SEMA4F: variants seen among roughly 807,000 people sequenced by gnomAD.
SEMA4F encodes semaphorin-4F.
Under a neutral mutation model 78.4 loss-of-function variants are expected in SEMA4F, and 51 were observed. The ratio of observed to expected loss-of-function variants is 0.65; its 90% CI spans 0.52 to 0.82. The LOEUF (loss-of-function observed/expected upper bound fraction) is 0.82, where lower values mean the gene tolerates loss of function less well. SEMA4F is among the 40% of genes least tolerant of loss of function. The probability of loss-of-function intolerance (pLI) is 0.00; values close to 1 mark genes in which losing one functional copy is unlikely to be tolerated. For synonymous variants in SEMA4F, 418 were observed against 408.7 expected, an observed-to-expected ratio of 1.02 and a Z score of -0.27; for missense variants, 938 against 1,014.4, an observed-to-expected ratio of 0.92 and a Z score of 1.02.
rs1683987627 is a variant in SEMA4F at position 74,654,259 on chromosome 2, A to G, written c.-118A>G. The G allele has an allele frequency of 1.7e-6, 2 of 1,212,094 alleles. No individual in the cohort carries two copies. Among genetic ancestry groups the G allele is most frequent in the South Asian group, 4.0e-5 (2 of 49,410 alleles). The allele number at this position is 1,212,094 out of a possible 1,614,324, so 75.1% of individuals were successfully genotyped here. On this transcript the variant is annotated 5_prime_UTR_variant, in exon 1 of 14. Transcript: ENST00000357877. ...GGAGCCGGGCGGTGTTTCATCCCTCAGCCTCAGGCTGAGCCGGACCGAGCC... is the reference window on the plus strand; with the variant it reads ...GGAGCCGGGCGGTGTTTCATCCCTCGGCCTCAGGCTGAGCCGGACCGAGCC...
chr2:74,672,731 C>T (rs965819894), intron 5 of SEMA4F, among the ~76,000 whole-genome samples: 2 of 152,042 alleles, frequency 1.3e-5, no homozygotes, highest in Non-Finnish European at 2.9e-5. Context: ...CCCTGGAGCA[C>T]CTCTGCCCCT....
chr2:74,699,714 T>A, the SEMA4F span, among the ~76,000 whole-genome samples: 3 of 151,876 alleles, frequency 2.0e-5, no homozygotes, highest in Non-Finnish European at 4.4e-5. Context: ...GAAGGAGCGG[T>A]TGGAGAGGCA....
intron 6 of SEMA4F, 44 bp from the exon 7 acceptor site, chr2:74,673,633 C>G: frequency 6.2e-7 from 1 of 1,612,978 alleles, no homozygotes; most frequent in Non-Finnish European, 8.5e-7. Flanking sequence ...TCTGGGAAGT[C>G]CTAGGTTGTG....
chr2:74,695,036 A>G, the SEMA4F span, among the ~76,000 whole-genome samples: 1 of 152,222 alleles, frequency 6.6e-6, no homozygotes, highest in African/African-American at 2.4e-5. Context: ...TCCTTTTAGT[A>G]GATACTGAGG....
chr2:74,675,734 A>C lies in SEMA4F; in HGVS notation c.1483-15A>C. The stretch of plus-strand genomic sequence containing the variant: ...GAGATCCAGTGTATTCCCCTTCCCC[A>C]CTCCGTTTTTATAGAGCTGGCTCCT... On this transcript the variant is annotated splice_polypyrimidine_tract_variant and intron_variant, in intron 11 of 13. Transcript: ENST00000357877. 6.2e-7 allele frequency: 1 copy of C among 1,613,246 alleles called. No homozygotes were observed. The highest frequency in any genetic ancestry group is 1.3e-5 in the African/African-American group (1 of 74,922).
rs970864712 is a variant in SEMA4F at position 74,675,994 on chromosome 2, G to T, written c.1643+85G>T. 6 of 1,443,160 alleles carry T rather than the reference G, an allele frequency of 4.2e-6. No homozygotes were observed. The Admixed American group carries it at 1.1e-4, about 27-fold the overall frequency. 89.4% of individuals were successfully genotyped at this position (1,443,160 alleles called of 1,614,324 possible). A position where few individuals can be genotyped will look rare whatever the true frequency, so the allele number is the denominator to read the frequency against. ...TCTACGTTTCTCATCTGTTAATGCT[G>T]CCCTGCCGGAGGCTGTTTTCTTTTT... is the stretch of plus-strand genomic sequence containing the variant. On this transcript the variant is annotated intron_variant, in intron 12 of 13. Coordinates refer to ENST00000357877, the MANE Select transcript of SEMA4F (RefSeq NM_004263.5).
At chr2:74,656,500 G>A (rs774229903) in intron 1 of SEMA4F, 34 bp from the exon 2 acceptor site, 24 of 1,599,890 alleles carry the variant, frequency 1.5e-5, no homozygotes, top group Admixed American at 1.7e-5. Context: ...CTTAGGAAGC[G>A]ATGGCTAACA....
intron 2 of SEMA4F, 70 bp downstream of exon 2, chr2:74,656,755 G>C: frequency 6.6e-7 from 1 of 1,519,678 alleles, no homozygotes; most frequent in Non-Finnish European, 9.0e-7. Flanking sequence ...TTATGAGTGT[G>C]TGTGGGGGAT....
intron 7 of SEMA4F, 92 bp from the exon 8 acceptor site, chr2:74,674,406 C>T: frequency 8.3e-7 from 1 of 1,210,130 alleles, no homozygotes; most frequent in Non-Finnish European, 1.2e-6. Flanking sequence ...TCTGTCTGCC[C>T]TGAAGTCAGG....
At position 74,658,100 on chromosome 2, in the gene SEMA4F, G is replaced by A. The variant is rs548068183; in HGVS notation, c.456+149G>A. Reference sequence around the variant, plus strand: ...CCATTGTGCATGATAAGCATTGGGTGTAGGGGCTGTCCTCATGGGATGAGG... The same window carrying A: ...CCATTGTGCATGATAAGCATTGGGTATAGGGGCTGTCCTCATGGGATGAGG... On this transcript the variant is annotated intron_variant, in intron 4 of 13. Coordinates refer to ENST00000357877, the MANE Select transcript of SEMA4F (RefSeq NM_004263.5). This position sits in a 1 kb window ranked among gnomAD's most constrained non-coding sequence, Gnocchi z 4.3. 2.2e-5 allele frequency: 16 copies of A among 712,778 alleles called. No homozygotes were observed. The African/African-American group carries it at 2.6e-4, about 12-fold the overall frequency. 44.2% of individuals were successfully genotyped at this position (712,778 alleles called of 1,614,324 possible).
chr2:74,673,342 T>C lies in SEMA4F; in HGVS notation c.551-115T>C, dbSNP rs985633806. 9 of 1,260,122 alleles carry C rather than the reference T, an allele frequency of 7.1e-6. No individual in the cohort carries two copies. The African/African-American group carries it at 1.2e-4, about 17-fold the overall frequency. The allele number at this position is 1,260,122 out of a possible 1,614,324, so 78.1% of individuals were successfully genotyped here. On this transcript the variant is annotated intron_variant, in intron 5 of 13. Coordinates refer to ENST00000357877, the MANE Select transcript of SEMA4F (RefSeq NM_004263.5). ...TGTGCTCAGCAGAGTCTGGCACTCA[T>C]GGGTGTTTAGTCCCTGAGAGTCGCT... is the stretch of plus-strand genomic sequence containing the variant.
chr2:74,704,010 A>G, the SEMA4F span, among the ~76,000 whole-genome samples: 3 of 152,114 alleles, frequency 2.0e-5, no homozygotes, highest in African/African-American at 4.8e-5. Flanking sequence ...CCTAGTACCC[A>G]TTTTAGATTA....
chr2:74,677,540 G>A (rs1685363488), intron 12 of SEMA4F, among the ~76,000 whole-genome samples: 2 of 152,116 alleles, frequency 1.3e-5, no homozygotes, highest in African/African-American at 4.8e-5. Context: ...ATTTTAAAAA[G>A]TTTATGTCAG....
At chr2:74,679,532 C>T (rs1456784771) in intron 13 of SEMA4F, 67 bp from the exon 14 acceptor site, 5 of 1,548,368 alleles carry the variant, frequency 3.2e-6, no homozygotes, top group Non-Finnish European at 4.4e-6. Context: ...CATCACCCCA[C>T]ACTTTTCTTC....
Position 74,662,724 on chromosome 2 carries a change from G to A in SEMA4F, c.457-8G>A, listed in dbSNP as rs767010121. 1.2e-6 allele frequency: 2 copies of A among 1,613,368 alleles called. No individual in the cohort carries two copies. Among genetic ancestry groups the A allele is most frequent in the Non-Finnish European group, 1.7e-6 (2 of 1,179,366 alleles). On this transcript the variant is annotated splice_region_variant and splice_polypyrimidine_tract_variant and intron_variant, in intron 4 of 13. Transcript: ENST00000357877. ...CCCCTAAACCAATTGCCCCCTTCTG[G>A]TCTATAGGATGTGTCCAGGTTCCAG...
the SEMA4F span, among the ~76,000 whole-genome samples, chr2:74,699,177 T>C: frequency 6.6e-6 from 1 of 152,182 alleles, no homozygotes; most frequent in Non-Finnish European, 1.5e-5. Context: ...ACTTACAAGG[T>C]ACCCAAGTTT....
At chr2:74,702,725 G>C in the SEMA4F span, among the ~76,000 whole-genome samples, 1 of 152,116 alleles carries the variant, frequency 6.6e-6, no homozygotes. Flanking sequence ...CCTAGGGGAG[G>C]GGGTGTTGAT....
At position 74,654,553 on chromosome 2, in the gene SEMA4F, T is replaced by TCGCGCCCACACC. The variant is rs773724255; in HGVS notation, c.145+34_145+45dup. On this transcript the variant is annotated intron_variant, in intron 1 of 13. Transcript: ENST00000357877. The stretch of plus-strand genomic sequence containing the variant: ...CGCGGACGCCCACGCCCTCAGCCCT[T>TCGCGCCCACACC]CGCGCCCACACCCACACCCACACCC... 9 of 1,515,046 alleles carry TCGCGCCCACACC rather than the reference T, an allele frequency of 5.9e-6. No individual in the cohort carries two copies. In the African/African-American group the frequency reaches 1.2e-4, roughly 19 times the overall value. The allele number at this position is 1,515,046 out of a possible 1,614,324, so 93.9% of individuals were successfully genotyped here. A position where few individuals can be genotyped will look rare whatever the true frequency, so the allele number is the denominator to read the frequency against.
the SEMA4F span, among the ~76,000 whole-genome samples, chr2:74,706,283 A>T: frequency 3.3e-5 from 5 of 152,214 alleles, no homozygotes; most frequent in Admixed American, 2.6e-4. Flanking sequence ...GTGGGATTTG[A>T]AACCAGATCT....
Sources: gnomAD v4.1 joint callset for allele counts (sites outside exome capture counted in the v4.1 genomes callset) on GRCh38, gnomAD v4.1.1 for gene constraint, Gnocchi (gnomAD v3.1) non-coding constraint, MANE v1.5 for transcripts, NCBI Gene and HGNC (gene_info 2026-07-23, HGNC 2026-07-21) for gene names.